EFL1: variants seen among roughly 807,000 people sequenced by gnomAD.
EFL1 encodes elongation factor like GTPase 1, also known as elongation factor-like GTPase 1.
EFL1 carries 76 observed loss-of-function variants against 126.7 expected under a neutral mutation model. That is an observed-to-expected ratio of 0.60 (90% confidence interval 0.50 to 0.73). The LOEUF (loss-of-function observed/expected upper bound fraction) is 0.73, where lower values mean the gene tolerates loss of function less well. EFL1 is among the 30% of genes least tolerant of loss of function. The pLI is 0.00. For synonymous variants in EFL1, 410 were observed against 448.4 expected, an observed-to-expected ratio of 0.91 and a Z score of 1.08; for missense variants, 1,128 against 1,343.2, an observed-to-expected ratio of 0.84 and a Z score of 2.50.
intron 18 of EFL1, among the ~76,000 whole-genome samples, chr15:82,143,323 G>T (rs963545984): frequency 1.3e-5 from 2 of 152,042 alleles, no homozygotes; most frequent in African/African-American, 4.8e-5. Context: ...TCTATCATAA[G>T]GTTACAGTTA....
At chr15:82,222,301 C>T (rs2651723) in intron 12 of EFL1, among the ~76,000 whole-genome samples, 16 of 152,284 alleles carry the variant, frequency 1.1e-4, no homozygotes, top group African/African-American at 3.1e-4. Context: ...CAAAGTCACA[C>T]AGATATTAAA....
intron 15 of EFL1, among the ~76,000 whole-genome samples, chr15:82,166,064 T>C (rs886533270): frequency 6.6e-6 from 1 of 152,154 alleles, no homozygotes; most frequent in African/African-American, 2.4e-5. Context: ...AGAAATAACA[T>C]CTCCCTAGAG....
At chr15:82,149,910 G>A (rs1480305270) in intron 18 of EFL1, among the ~76,000 whole-genome samples, 5 of 152,130 alleles carry the variant, frequency 3.3e-5, no homozygotes, top group Admixed American at 3.3e-4. Context: ...GGGTAGGAGA[G>A]GCTGGAGAAA....
chr15:82,249,510 C>T (rs145692867), intron 4 of EFL1, among the ~76,000 whole-genome samples: 213 of 152,112 alleles, frequency 1.4e-3, no homozygotes, highest in African/African-American at 4.9e-3. Flanking sequence ...TGATGAATTT[C>T]AAATTATTTA....
chr15:82,219,781 A>G lies in EFL1; in HGVS notation c.1482T>C (p.Pro494=). 6.2e-7 allele frequency: 1 copy of G among 1,614,038 alleles called. No individual in the cohort carries two copies. Among genetic ancestry groups the G allele is most frequent in the Non-Finnish European group, 8.5e-7 (1 of 1,179,962 alleles). ...EQQVESMTPK[P]VLQEENNQES... is the part of the protein sequence containing the mutation. ...CTTGGTTGTTTTCTTCCTGGAGCAC[A>G]GGTTTAGGGGTCATACTTTCCACCT... is the stretch of plus-strand genomic sequence containing the variant. The change falls in exon 14 of 20, where the codon CCT becomes CCC. Residue 494 remains proline, a synonymous_variant. Transcript: ENST00000268206.
At chr15:82,164,112 G>C (rs557478352) in intron 15 of EFL1, 128 bp from the exon 16 acceptor site, 2 of 1,179,684 alleles carry the variant, frequency 1.7e-6, no homozygotes, top group East Asian at 5.2e-5. Flanking sequence ...TGCAAGAAAT[G>C]AGGCGGACCT....
intron 15 of EFL1, among the ~76,000 whole-genome samples, chr15:82,194,564 T>G (rs1161500351): frequency 1.3e-5 from 2 of 152,196 alleles, no homozygotes; most frequent in Non-Finnish European, 2.9e-5. Flanking sequence ...ACAGAATTAT[T>G]AAAATCAAAG....
chr15:82,187,972 T>A (rs1348426242), intron 15 of EFL1, among the ~76,000 whole-genome samples: 2 of 152,134 alleles, frequency 1.3e-5, no homozygotes, highest in Non-Finnish European at 2.9e-5. Flanking sequence ...TTTAGGATAC[T>A]CTGTATTTCA....
intron 3 of EFL1, among the ~76,000 whole-genome samples, chr15:82,258,787 C>G (rs1227410630): frequency 1.3e-5 from 2 of 152,238 alleles, no homozygotes; most frequent in Non-Finnish European, 2.9e-5. Context: ...GTCTTCTCCT[C>G]AAACCACTCA....
At chr15:82,157,386 T>C (rs1211672782) in intron 17 of EFL1, 1 of 185,990 alleles carries the variant, frequency 5.4e-6, no homozygotes, top group African/African-American at 2.3e-5. Flanking sequence ...CCTAATTACA[T>C]AGCCAACATT....
chr15:82,182,337 G>A (rs560885383), intron 15 of EFL1, among the ~76,000 whole-genome samples: 1 of 152,356 alleles, frequency 6.6e-6, no homozygotes, highest in South Asian at 2.1e-4. Context: ...AAGGTCTTCA[G>A]TTTGTGATTG....
At chr15:82,191,749 T>G (rs1036990457) in intron 15 of EFL1, among the ~76,000 whole-genome samples, 6 of 152,314 alleles carry the variant, frequency 3.9e-5, no homozygotes, top group African/African-American at 1.4e-4. Flanking sequence ...AGGGCCATCA[T>G]GCTCACTTTC....
intron 15 of EFL1, among the ~76,000 whole-genome samples, chr15:82,176,467 A>G (rs1020147485): frequency 6.6e-6 from 1 of 152,230 alleles, no homozygotes; most frequent in Non-Finnish European, 1.5e-5. Flanking sequence ...CAGAATATAT[A>G]AAGAATGCCT....
chr15:82,189,235 T>C (rs1204269571), intron 15 of EFL1, among the ~76,000 whole-genome samples: 1 of 152,196 alleles, frequency 6.6e-6, no homozygotes, highest in Non-Finnish European at 1.5e-5. Flanking sequence ...GATAATCTTA[T>C]GGGACCACCA....
chr15:82,136,361 T>C (rs759434420), intron 19 of EFL1, among the ~76,000 whole-genome samples: 1 of 152,216 alleles, frequency 6.6e-6, no homozygotes, highest in Admixed American at 6.5e-5. Context: ...AAGGCCATCT[T>C]CATGAGATGG....
intron 10 of EFL1, among the ~76,000 whole-genome samples, chr15:82,227,988 A>G (rs1372576155): frequency 2.0e-5 from 3 of 152,252 alleles, no homozygotes; most frequent in Non-Finnish European, 4.4e-5. Context: ...GAAGTTCACT[A>G]TTAGTAATGT....
intron 16 of EFL1, among the ~76,000 whole-genome samples, chr15:82,160,790 C>T (rs1476311240): frequency 6.6e-6 from 1 of 152,198 alleles, no homozygotes; most frequent in African/African-American, 2.4e-5. Context: ...GACCTCACTG[C>T]TTCCTAACTG....
At chr15:82,181,256 C>A (rs1051800749) in intron 15 of EFL1, among the ~76,000 whole-genome samples, 22 of 152,120 alleles carry the variant, frequency 1.4e-4, no homozygotes, top group African/African-American at 5.1e-4. Flanking sequence ...AAAATGCTCT[C>A]CAGATGACCA....
rs2074776163 is a variant in EFL1 at position 82,227,477 on chromosome 15, GAA to G, written c.1163_1164del (p.Phe388SerfsTer17). The G allele has an allele frequency of 1.9e-6, 3 of 1,614,150 alleles. No individual in the cohort carries two copies. The highest frequency in any genetic ancestry group is 2.7e-5 in the African/African-American group (2 of 75,042). ...MCTGSQTFDS[F>X]PPETQALKAA... ...GCTTTCAGTGCTTGAGTTTCTGGTG[GAA>G]AAGAGTCAAAAGTTTGTGATCCTGT... On this transcript the variant is annotated frameshift_variant, in exon 11 of 20. Transcript: ENST00000268206. LOFTEE classifies it high-confidence loss of function.
Sources: gnomAD v4.1 joint callset for allele counts (sites outside exome capture counted in the v4.1 genomes callset) on GRCh38, gnomAD v4.1.1 for gene constraint, MANE v1.5 for transcripts, NCBI Gene and HGNC (gene_info 2026-07-23, HGNC 2026-07-21) for gene names.